SKAP1: variants seen among roughly 807,000 people sequenced by gnomAD.
SKAP1 encodes the protein src kinase associated phosphoprotein 1.
Under a neutral mutation model 58.5 loss-of-function variants are expected in SKAP1, and 44 were observed. The ratio of observed to expected loss-of-function variants is 0.75; its 90% CI spans 0.59 to 0.97. The LOEUF (loss-of-function observed/expected upper bound fraction) is 0.97, where lower values mean the gene tolerates loss of function less well. SKAP1 is among the 50% of genes least tolerant of loss of function. SKAP1 has a pLI of 0.00. For missense variants in SKAP1, 390 were observed against 435.2 expected (o/e 0.90, Z 0.92); for synonymous variants, 127 against 149.7 (o/e 0.85, Z 1.11).
At chr17:48,145,515 T>C (rs546187127) in intron 11 of SKAP1, among the ~76,000 whole-genome samples, 1 of 152,242 alleles carries the variant, frequency 6.6e-6, no homozygotes, top group East Asian at 1.9e-4. Context: ...GTTGCACAGC[T>C]TGACTCTGCC....
intron 4 of SKAP1, among the ~76,000 whole-genome samples, chr17:48,268,894 G>A (rs2065590493): frequency 6.6e-6 from 1 of 152,006 alleles, no homozygotes; most frequent in Non-Finnish European, 1.5e-5. Context: ...AAATAAAGGG[G>A]TGAAAATAGC....
chr17:48,245,557 T>C (rs2065286981), intron 4 of SKAP1, among the ~76,000 whole-genome samples: 2 of 152,236 alleles, frequency 1.3e-5, no homozygotes, highest in African/African-American at 4.8e-5. Flanking sequence ...CAGCACTTAC[T>C]ATAATAAGTT....
chr17:48,316,289 C>T (rs2066285801), intron 4 of SKAP1, among the ~76,000 whole-genome samples: 1 of 152,178 alleles, frequency 6.6e-6, no homozygotes, highest in Non-Finnish European at 1.5e-5. Context: ...ACAGGTGTGG[C>T]TCTAGCCACA....
At chr17:48,361,156 G>A (rs1478851703) in intron 3 of SKAP1, among the ~76,000 whole-genome samples, 5 of 149,748 alleles carry the variant, frequency 3.3e-5, no homozygotes, top group Admixed American at 3.3e-4. Flanking sequence ...TTTTAAATGG[G>A]TAAATTTTAT....
At chr17:48,260,877 C>A (rs1567842487) in intron 4 of SKAP1, among the ~76,000 whole-genome samples, 1 of 152,022 alleles carries the variant, frequency 6.6e-6, no homozygotes, top group Non-Finnish European at 1.5e-5. Flanking sequence ...ATGCAAGAAA[C>A]CTGGTGAAAA....
chr17:48,410,616 T>C lies in SKAP1; in HGVS notation c.47-13831A>G, dbSNP rs180778186. Among the ~76,000 whole-genome samples the C allele has an allele frequency of 4.4e-3, 673 of 151,792 alleles. 6 individuals are homozygous for C. The highest frequency in any genetic ancestry group is 0.016 in the African/African-American group (648 of 41,378). ...CACACACACACAAGCACACAGACACTGATGGGACATGTCAAAAGGGGCGCA... is the reference window on the plus strand; with the variant it reads ...CACACACACACAAGCACACAGACACCGATGGGACATGTCAAAAGGGGCGCA... On this transcript the variant is annotated intron_variant, in intron 1 of 12. Transcript: ENST00000336915.
intron 4 of SKAP1, among the ~76,000 whole-genome samples, chr17:48,190,776 G>C (rs2064531644): frequency 6.6e-6 from 1 of 152,052 alleles, no homozygotes; most frequent in South Asian, 2.1e-4. Flanking sequence ...ACGAGGTCAG[G>C]AGTTTGAGAC....
chr17:48,361,123 A>G (rs540148326), intron 3 of SKAP1, among the ~76,000 whole-genome samples: 1 of 151,648 alleles, frequency 6.6e-6, no homozygotes, highest in African/African-American at 2.4e-5. Context: ...ACTATACTAT[A>G]CTGTACACCA....
chr17:48,188,089 CAG>C (rs2064483709), intron 5 of SKAP1, among the ~76,000 whole-genome samples, 163 bp from the exon 6 acceptor site: 1 of 152,176 alleles, frequency 6.6e-6, no homozygotes, highest in South Asian at 2.1e-4. Context: ...CATATTGACT[CAG>C]GGTCCAGGGG....
intron 4 of SKAP1, 103 bp from the exon 5 acceptor site, chr17:48,189,603 C>A: frequency 2.8e-6 from 2 of 726,376 alleles, no homozygotes; most frequent in Non-Finnish European, 2.3e-6. Context: ...ACAAAAAGGG[C>A]AATTGCTTAA....
intron 2 of SKAP1, among the ~76,000 whole-genome samples, chr17:48,377,095 G>A (rs1171416182): frequency 6.6e-6 from 1 of 152,178 alleles, no homozygotes; most frequent in African/African-American, 2.4e-5. Flanking sequence ...TCCAACCTGA[G>A]AGCCTCTCTT....
chr17:48,270,098 C>T (rs554595777), intron 4 of SKAP1, among the ~76,000 whole-genome samples: 3 of 152,002 alleles, frequency 2.0e-5, no homozygotes, highest in Admixed American at 1.3e-4. Flanking sequence ...GCAACAAGAG[C>T]GAAACTCTGT....
intron 4 of SKAP1, among the ~76,000 whole-genome samples, chr17:48,338,707 G>A (rs1277716345): frequency 6.6e-6 from 1 of 152,138 alleles, no homozygotes; most frequent in African/African-American, 2.4e-5. Context: ...AGCCCAAAAT[G>A]CTGGGTTGAA....
At chr17:48,206,131 G>A (rs1427056258) in intron 4 of SKAP1, among the ~76,000 whole-genome samples, 3 of 152,152 alleles carry the variant, frequency 2.0e-5, no homozygotes, top group Non-Finnish European at 4.4e-5. Context: ...TTGATAATGT[G>A]GAAAATTACA....
chr17:48,365,119 GT>G (rs1567884775), intron 2 of SKAP1, among the ~76,000 whole-genome samples: 1 of 102,954 alleles, frequency 9.7e-6, no homozygotes, highest in African/African-American at 3.7e-5. Flanking sequence ...CTGTTTTTTT[GT>G]TTTTGTTTTT....
intron 4 of SKAP1, among the ~76,000 whole-genome samples, chr17:48,220,688 T>TTCTACTG: frequency 6.6e-6 from 1 of 150,796 alleles, no homozygotes; most frequent in East Asian, 2.0e-4. Flanking sequence ...GGAACCCTGT[T>TTCTACTG]TCTACTGAAA....
intron 4 of SKAP1, among the ~76,000 whole-genome samples, chr17:48,282,856 G>C (rs1237518532): frequency 4.0e-5 from 6 of 151,466 alleles, no homozygotes; most frequent in Admixed American, 1.3e-4. Flanking sequence ...GTGCTCCTCT[G>C]ATAAATGCAA....
At chr17:48,373,753 C>G (rs1016840426) in intron 2 of SKAP1, among the ~76,000 whole-genome samples, 1 of 152,134 alleles carries the variant, frequency 6.6e-6, no homozygotes, top group Non-Finnish European at 1.5e-5. Flanking sequence ...CAATAACTCA[C>G]CCTTGCCCCA....
upstream of SKAP1, among the ~76,000 whole-genome samples, chr17:48,434,404 C>T (rs570733487): frequency 6.6e-6 from 1 of 152,280 alleles, no homozygotes. Flanking sequence ...ATGAAGTTTC[C>T]ACGGCTTGCC....
Sources: gnomAD v4.1 joint callset for allele counts (sites outside exome capture counted in the v4.1 genomes callset) on GRCh38, gnomAD v4.1.1 for gene constraint, MANE v1.5 for transcripts, NCBI Gene and HGNC (gene_info 2026-07-23, HGNC 2026-07-21) for gene names.